The following WNK2 variants were observed in gnomAD, a reference collection of about 807,000 sequenced individuals.
WNK2 encodes serine/threonine-protein kinase WNK2.
Under a neutral mutation model 192.1 loss-of-function variants are expected in WNK2, and 67 were observed. The ratio of observed to expected loss-of-function variants is 0.35; its 90% CI spans 0.29 to 0.43. The LOEUF (loss-of-function observed/expected upper bound fraction) is 0.43, where lower values mean the gene tolerates loss of function less well. Among genes scored for constraint, WNK2 ranks in the 20% least tolerant of loss-of-function variants. WNK2 has a pLI of 1.00. For missense variants in WNK2, 2,698 were observed against 3,089.7 expected (o/e 0.87, Z 3.01); for synonymous variants, 1,439 against 1,393.9 (o/e 1.03, Z -0.72).
chr9:93,229,989 C>T lies in WNK2; in HGVS notation c.854+121C>T. The T allele has an allele frequency of 8.1e-7, 1 of 1,236,020 alleles. No homozygotes were observed. The highest frequency in any genetic ancestry group is 1.1e-6 in the Non-Finnish European group (1 of 902,466). 76.6% of individuals were successfully genotyped at this position (1,236,020 alleles called of 1,614,324 possible). A position where few individuals can be genotyped will look rare whatever the true frequency, so the allele number is the denominator to read the frequency against. Reference sequence around the variant, plus strand: ...GCTGGTGCCTGTGGGAGGCTGTCTCCTCTTTCCTCTCCTGCATGGGATGCC... The same window carrying T: ...GCTGGTGCCTGTGGGAGGCTGTCTCTTCTTTCCTCTCCTGCATGGGATGCC... On this transcript the variant is annotated intron_variant, in intron 3 of 29. Coordinates refer to ENST00000427277, the MANE Select transcript of WNK2 (RefSeq NM_006648.4). This position sits in a 1 kb window ranked among gnomAD's most constrained non-coding sequence, Gnocchi z 4.9.
At chr9:93,230,691 C>T (rs192957453) in intron 3 of WNK2, among the ~76,000 whole-genome samples, 197 bp from the exon 4 acceptor site, 12 of 152,366 alleles carry the variant, frequency 7.9e-5, no homozygotes, top group Admixed American at 7.8e-4. Flanking sequence ...TGAGCCCACC[C>T]AGCTGGCTGC....
intron 26 of WNK2, among the ~76,000 whole-genome samples, chr9:93,302,793 G>A (rs1441474263): frequency 2.0e-5 from 3 of 152,178 alleles, no homozygotes; most frequent in East Asian, 1.9e-4. Flanking sequence ...CCTAGGGAGT[G>A]CAAGGCCCTG....
chr9:93,228,967 G>A (rs1024407129), intron 2 of WNK2, among the ~76,000 whole-genome samples: 7 of 152,146 alleles, frequency 4.6e-5, no homozygotes, highest in African/African-American at 1.7e-4. Flanking sequence ...GTGGTGCCTG[G>A]GGTTGGTGGT....
At chr9:93,212,701 T>A (rs1835016610) in intron 2 of WNK2, among the ~76,000 whole-genome samples, 1 of 152,128 alleles carries the variant, frequency 6.6e-6, no homozygotes. Flanking sequence ...GACTGAGCCC[T>A]CAGGGTAGAA....
At chr9:93,294,799 C>A (rs1477465281) in intron 23 of WNK2, among the ~76,000 whole-genome samples, 1 of 151,866 alleles carries the variant, frequency 6.6e-6, no homozygotes, top group Admixed American at 6.6e-5. Flanking sequence ...GGGAGAGGAC[C>A]AGAAGCACCT....
chr9:93,308,777 G>C lies in WNK2; in HGVS notation c.6516+193G>C, dbSNP rs1853092675. The C allele has an allele frequency of 1.8e-5, 25 of 1,423,568 alleles. No homozygotes were observed. The South Asian group carries it at 3.5e-4, about 20-fold the overall frequency. 88.2% of individuals were successfully genotyped at this position (1,423,568 alleles called of 1,614,324 possible). ...TTGGGAGGTGAGCGACGCACCCACA[G>C]CTCCGCAGCTGGCAGGTGGAAAGGA... On this transcript the variant is annotated intron_variant, in intron 28 of 29. Transcript: ENST00000427277.
intron 19 of WNK2, among the ~76,000 whole-genome samples, chr9:93,274,515 CAAAAAAAAA>C (rs67350876): frequency 1.7e-5 from 2 of 118,400 alleles, no homozygotes; most frequent in African/African-American, 6.8e-5. Flanking sequence ...CCGTCTCAAC[CAAAAAAAAA>C]AAAAAAAAAA....
intron 29 of WNK2, chr9:93,319,224 TC>T: frequency 6.2e-7 from 1 of 1,608,866 alleles, no homozygotes; most frequent in Non-Finnish European, 8.5e-7. Flanking sequence ...TGAAACAACA[TC>T]TTTTTCTTAC....
chr9:93,254,558 C>G (rs938246927), intron 9 of WNK2, among the ~76,000 whole-genome samples: 1 of 152,242 alleles, frequency 6.6e-6, no homozygotes, highest in East Asian at 1.9e-4. Context: ...AGCTGTTTGC[C>G]GAGTCTGCCT....
chr9:93,189,595 G>A (rs1262368767), intron 2 of WNK2, among the ~76,000 whole-genome samples: 1 of 152,204 alleles, frequency 6.6e-6, no homozygotes, highest in Non-Finnish European at 1.5e-5. Flanking sequence ...GAGGAGACTC[G>A]CTGAGTATGG....
At position 93,292,598 on chromosome 9, in the gene WNK2, G is replaced by T. The variant is rs765497718; in HGVS notation, c.5133G>T (p.Val1711=). 18 of 1,580,280 alleles carry T rather than the reference G, an allele frequency of 1.1e-5. No homozygotes were observed. The highest frequency in any genetic ancestry group is 1.5e-5 in the Non-Finnish European group (18 of 1,161,580). ...CCCCGCCGAGTGACATGGGCACAGT[G>T]GGGGGCCAGGCTAGCCACCCCCAGA... ...AEPPPSDMGT[V]GGQASHPQTL... The change falls in exon 23 of 30, where the codon GTG becomes GTT. Residue 1711 remains valine (V), a synonymous_variant. Coordinates refer to ENST00000427277, the MANE Select transcript of WNK2 (RefSeq NM_006648.4).
intron 2 of WNK2, among the ~76,000 whole-genome samples, chr9:93,212,763 T>A (rs1835028682): frequency 6.6e-6 from 1 of 152,134 alleles, no homozygotes; most frequent in African/African-American, 2.4e-5. Context: ...GCCCAGTAGG[T>A]CATAACCAAT....
intron 5 of WNK2, among the ~76,000 whole-genome samples, chr9:93,236,396 C>T (rs1046902542): frequency 2.0e-5 from 3 of 152,202 alleles, no homozygotes; most frequent in African/African-American, 7.2e-5. Flanking sequence ...TGCCCCCACC[C>T]TCCTCCCTGA....
chr9:93,209,608 AGC>A (rs1430058819), intron 2 of WNK2, among the ~76,000 whole-genome samples: 4 of 152,166 alleles, frequency 2.6e-5, no homozygotes. Flanking sequence ...GAGGAGAAAC[AGC>A]TTAAAGTAGA....
intron 2 of WNK2, among the ~76,000 whole-genome samples, chr9:93,192,322 A>C (rs1830472650): frequency 6.6e-6 from 1 of 152,100 alleles, no homozygotes; most frequent in Non-Finnish European, 1.5e-5. Flanking sequence ...AAGAAAAAAA[A>C]AAAAGAGAGA....
At chr9:93,197,493 G>T (rs560000885) in intron 2 of WNK2, among the ~76,000 whole-genome samples, 1 of 152,300 alleles carries the variant, frequency 6.6e-6, no homozygotes, top group East Asian at 1.9e-4. Flanking sequence ...TTTAGGGCCA[G>T]TGGTCTTGCA....
chr9:93,251,187 C>T (rs949787953), intron 8 of WNK2, among the ~76,000 whole-genome samples: 2 of 152,122 alleles, frequency 1.3e-5, no homozygotes, highest in Non-Finnish European at 2.9e-5. Context: ...AGGATCTTGG[C>T]TCACTGCAAC....
chr9:93,246,129 C>T (rs1056955786), intron 7 of WNK2, among the ~76,000 whole-genome samples: 6 of 152,204 alleles, frequency 3.9e-5, no homozygotes, highest in African/African-American at 1.4e-4. Flanking sequence ...AGTCTGTGGA[C>T]ATGTCCTTCA....
intron 28 of WNK2, among the ~76,000 whole-genome samples, chr9:93,311,120 T>G (rs1853573322): frequency 6.6e-6 from 1 of 152,230 alleles, no homozygotes; most frequent in Non-Finnish European, 1.5e-5. Context: ...TCTCTGACTT[T>G]GACTCCTCTA....
Sources: gnomAD v4.1 joint callset for allele counts (sites outside exome capture counted in the v4.1 genomes callset) on GRCh38, gnomAD v4.1.1 for gene constraint, Gnocchi (gnomAD v3.1) non-coding constraint, MANE v1.5 for transcripts, NCBI Gene and HGNC (gene_info 2026-07-23, HGNC 2026-07-21) for gene names.